AADAT: variants seen among roughly 807,000 people sequenced by gnomAD.
The protein encoded by AADAT is aminoadipate aminotransferase.
Under a neutral mutation model 56.2 loss-of-function variants are expected in AADAT, and 25 were observed. The observed-to-expected ratio is 0.44, with a 90% CI of 0.32 to 0.62. The LOEUF (loss-of-function observed/expected upper bound fraction) is 0.62. Among genes scored for constraint, AADAT ranks in the 20% least tolerant of loss-of-function variants. AADAT has a pLI of 0.04. For synonymous variants in AADAT, 173 were observed against 164.7 expected (o/e 1.05, Z -0.39); for missense variants, 387 against 510.5 (o/e 0.76, Z 2.33).
At chr4:170,088,675 TAG>T (rs1343439639) in intron 1 of AADAT, 111 bp from the exon 2 acceptor site, 10 of 1,105,978 alleles carry the variant, frequency 9.0e-6, no homozygotes, top group Non-Finnish European at 1.2e-5. Context: ...TTTCTAGTGA[TAG>T]AGTGTGCTAT....
Position 170,085,597 on chromosome 4 carries a change from G to A in AADAT, c.369+1519C>T, listed in dbSNP as rs146105906. ...TGTTGTGATGGATAAAGAAGAAACT[G>A]TCTTGAGCAACTTTCTGGAAGAAAA... On this transcript the variant is annotated intron_variant, in intron 3 of 12. Transcript: ENST00000337664. 1.1e-3 allele frequency among the ~76,000 whole-genome samples: 172 copies of A among 152,248 alleles called. 1 individual carries two copies. Among genetic ancestry groups the A allele is most frequent in the African/African-American group, 4.0e-3 (165 of 41,558 alleles).
In AADAT at chr4:170,078,539, A is replaced by G; in HGVS notation, c.414T>C (p.Asp138=). ...GAAGAGTTCCTGAATAAGCAGGTTC[A>G]TCTAGGAGGACATTATCTCCAGGAT... ...IINPGDNVLL[D]EPAYSGTLQS... is the part of the protein sequence containing the mutation. Residue 138 remains aspartate, a synonymous_variant, in exon 4 of 13, where the codon GAT becomes GAC. Coordinates refer to ENST00000337664, the MANE Select transcript of AADAT (RefSeq NM_016228.4). 6.2e-7 allele frequency: 1 copy of G among 1,609,042 alleles called. No homozygotes were observed. Among genetic ancestry groups the G allele is most frequent in the Non-Finnish European group, 8.5e-7 (1 of 1,177,352 alleles).
chr4:170,070,791 G>T (rs950895420), intron 5 of AADAT, 139 bp from the exon 6 acceptor site: 17 of 591,752 alleles, frequency 2.9e-5, no homozygotes, highest in Non-Finnish European at 4.6e-5. Flanking sequence ...AGACAACGAG[G>T]ATAAAAAGAG....
intron 3 of AADAT, among the ~76,000 whole-genome samples, chr4:170,086,123 C>T (rs1732548387): frequency 1.3e-5 from 2 of 151,974 alleles, no homozygotes; most frequent in South Asian, 4.1e-4. Flanking sequence ...TGTGCACCCG[C>T]AGTCCCAGCT....
chr4:170,091,231 GGA>G (rs1234567509), upstream of AADAT, among the ~76,000 whole-genome samples: 2 of 152,162 alleles, frequency 1.3e-5, no homozygotes, highest in Non-Finnish European at 2.9e-5. Context: ...AGGTGTGTAG[GGA>G]GAGGCACGGG....
chr4:170,089,855 C>A lies in AADAT; in HGVS notation c.-165G>T. ...TCCCGCGCGCGGTGCCCGGAGAACGCCGCCGAAACTCCCCGGCTGGACGCT... is the reference window on the plus strand; with the variant it reads ...TCCCGCGCGCGGTGCCCGGAGAACGACGCCGAAACTCCCCGGCTGGACGCT... On this transcript the variant is annotated 5_prime_UTR_variant, in exon 1 of 13. Coordinates refer to ENST00000337664, the MANE Select transcript of AADAT (RefSeq NM_016228.4). The A allele has an allele frequency of 1.5e-6, 1 of 665,164 alleles. No individual in the cohort carries two copies. The highest frequency in any genetic ancestry group is 1.8e-5 in the South Asian group (1 of 56,694). The allele number at this position is 665,164 out of a possible 1,614,324, so 41.2% of individuals were successfully genotyped here.
At chr4:170,086,238 C>T (rs983973964) in intron 3 of AADAT, among the ~76,000 whole-genome samples, 2 of 150,790 alleles carry the variant, frequency 1.3e-5, no homozygotes, top group African/African-American at 2.4e-5. Context: ...AGGGTGAGAC[C>T]CTGTCTCAAA....
intron 4 of AADAT, among the ~76,000 whole-genome samples, chr4:170,073,962 C>T (rs1731915718): frequency 6.6e-6 from 1 of 152,106 alleles, no homozygotes; most frequent in African/African-American, 2.4e-5. Flanking sequence ...CTTTAAAATC[C>T]AGCTTGTGGT....
upstream of AADAT, among the ~76,000 whole-genome samples, chr4:170,091,319 C>CA (rs1236995789): frequency 6.6e-6 from 1 of 152,136 alleles, no homozygotes; most frequent in African/African-American, 2.4e-5. Flanking sequence ...GGCCGGCACT[C>CA]AGAGCGGCGG....
chr4:170,079,296 G>A (rs1732182079), intron 3 of AADAT, among the ~76,000 whole-genome samples: 1 of 152,194 alleles, frequency 6.6e-6, no homozygotes, highest in Non-Finnish European at 1.5e-5. Flanking sequence ...TCTTGAGGCA[G>A]AATGTAGAGA....
upstream of AADAT, among the ~76,000 whole-genome samples, chr4:170,093,008 A>AT (rs1196485323): frequency 2.6e-5 from 4 of 152,202 alleles, no homozygotes; most frequent in African/African-American, 9.7e-5. Context: ...GAAACATCTA[A>AT]ATAAGGTGTA....
At position 170,078,567 on chromosome 4, in the gene AADAT, A is replaced by G. The variant is rs772003106; in HGVS notation, c.386T>C (p.Ile129Thr). Residue 129 changes from isoleucine to threonine, a missense_variant, in exon 4 of 13, where the codon ATT becomes ACT. Physicochemically the swap from Ile to Thr is moderately conservative, Grantham distance 89. Coordinates refer to ENST00000337664, the MANE Select transcript of AADAT (RefSeq NM_016228.4). ...QGLCKVFEMIINPGDNVLLDE... is the reference protein window; with the variant it reads ...QGLCKVFEMITNPGDNVLLDE... Reference sequence around the variant, plus strand: ...TAGGAGGACATTATCTCCAGGATTAATGATCATTTCAAACACCTAACAAAA... The same window carrying G: ...TAGGAGGACATTATCTCCAGGATTAGTGATCATTTCAAACACCTAACAAAA... 1 of 1,606,854 alleles carries G rather than the reference A, an allele frequency of 6.2e-7. No individual in the cohort carries two copies. The highest frequency in any genetic ancestry group is 1.1e-5 in the South Asian group (1 of 90,054).
At position 170,083,132 on chromosome 4, in the gene AADAT, ATACCT is replaced by A. The variant is rs1732394547; in HGVS notation, c.369+3979_369+3983del. 3.3e-5 allele frequency among the ~76,000 whole-genome samples: 5 copies of A among 151,948 alleles called. No individual in the cohort carries two copies. The South Asian group carries it at 1.0e-3, about 32-fold the overall frequency. On this transcript the variant is annotated intron_variant, in intron 3 of 12. Coordinates refer to ENST00000337664, the MANE Select transcript of AADAT (RefSeq NM_016228.4). ...CAATGAAGAGTCTGCAGAACAGACC[ATACCT>A]TAGGCTATAAAACAAGTCTGAACAA...
chr4:170,086,068 T>C (rs896037959), intron 3 of AADAT, among the ~76,000 whole-genome samples: 1 of 151,982 alleles, frequency 6.6e-6, no homozygotes, highest in Non-Finnish European at 1.5e-5. Flanking sequence ...AAGACCAGCC[T>C]GTCCAACATG....
At position 170,060,238 on chromosome 4, in the gene AADAT, A is replaced by T. The variant is rs565142716; in HGVS notation, c.*690T>A. On this transcript the variant is annotated 3_prime_UTR_variant, in exon 13 of 13. Transcript: ENST00000337664. ...GCCTTTAGGTATGTTTAGTTTAAGA[A>T]TTTTATTTTAAAGGAATTTCTGTGG... is the stretch of plus-strand genomic sequence containing the variant. 1.1e-3 allele frequency: 174 copies of T among 152,272 alleles called. No individual in the cohort carries two copies. Among genetic ancestry groups the T allele is most frequent in the African/African-American group, 4.2e-3 (174 of 41,572 alleles). The allele number at this position is 152,272 out of a possible 1,614,324, so 9.4% of individuals were successfully genotyped here.
At chr4:170,075,010 T>C (rs1731965911) in intron 4 of AADAT, among the ~76,000 whole-genome samples, 1 of 152,196 alleles carries the variant, frequency 6.6e-6, no homozygotes, top group African/African-American at 2.4e-5. Flanking sequence ...TTATGACAAA[T>C]TTAAAAGGCC....
At chr4:170,061,347 A>G (rs1731177884) in intron 12 of AADAT, among the ~76,000 whole-genome samples, 3 of 152,248 alleles carry the variant, frequency 2.0e-5, no homozygotes, top group Non-Finnish European at 2.9e-5. Flanking sequence ...ACATTTAATG[A>G]CATGAGAAAG....
chr4:170,069,191 G>A lies in AADAT; in HGVS notation c.760C>T (p.Arg254Cys). 3 of 1,613,866 alleles carry A rather than the reference G, an allele frequency of 1.9e-6. No individual in the cohort carries two copies. The highest frequency in any genetic ancestry group is 2.5e-6 in the Non-Finnish European group (3 of 1,179,900). The part of the protein sequence containing the change: ...PTFLSMDVDG[R>C]VIRADSFSKI... ...GAAAAAGAGTCAGCTCTGATGACAC[G>A]TCCATCAACATCCATGGAAAGAAAT... is the stretch of plus-strand genomic sequence containing the variant. Residue 254 changes from arginine (R) to cysteine (C), a missense_variant, in exon 7 of 13, where the codon CGT becomes TGT. Transcript: ENST00000337664.
intron 11 of AADAT, among the ~76,000 whole-genome samples, chr4:170,063,247 C>T (rs941082042): frequency 1.3e-5 from 2 of 152,166 alleles, no homozygotes; most frequent in Non-Finnish European, 2.9e-5. Context: ...TGGTGGTAAT[C>T]TCTTCACAAG....
Sources: gnomAD v4.1 joint callset for allele counts (sites outside exome capture counted in the v4.1 genomes callset) on GRCh38, gnomAD v4.1.1 for gene constraint, MANE v1.5 for transcripts, NCBI Gene and HGNC (gene_info 2026-07-23, HGNC 2026-07-21) for gene names.